The following VPS50 variants were observed in gnomAD, a reference collection of about 807,000 sequenced individuals.
The protein encoded by VPS50 is syndetin.
A neutral mutation model predicts 139.7 loss-of-function variants in VPS50; 70 were observed. The observed-to-expected ratio is 0.50, with a 90% CI of 0.41 to 0.61. The LOEUF (loss-of-function observed/expected upper bound fraction) is 0.61, where lower values mean the gene tolerates loss of function less well. VPS50 is among the 20% of genes least tolerant of loss of function. The pLI, the probability that VPS50 is intolerant of heterozygous loss-of-function variation, is 0.00. For missense variants in VPS50, 921 were observed against 1,133.7 expected, an observed-to-expected ratio of 0.81 and a Z score of 2.69; for synonymous variants, 365 against 376.7, an observed-to-expected ratio of 0.97 and a Z score of 0.36.
At chr7:93,315,816 C>T (rs1318797513) in intron 20 of VPS50, among the ~76,000 whole-genome samples, 1 of 150,890 alleles carries the variant, frequency 6.6e-6, no homozygotes, top group Non-Finnish European at 1.5e-5. Flanking sequence ...ATATTGCATT[C>T]ATTAGTTTTA....
chr7:93,238,662 T>G (rs147139731), intron 1 of VPS50, among the ~76,000 whole-genome samples: 34 of 152,240 alleles, frequency 2.2e-4, no homozygotes, highest in African/African-American at 7.2e-4. Context: ...TTCATTAGGT[T>G]TATTTTAGGG....
intron 2 of VPS50, among the ~76,000 whole-genome samples, chr7:93,244,888 T>C (rs984166166): frequency 1.3e-5 from 2 of 151,908 alleles, no homozygotes; most frequent in East Asian, 1.9e-4. Flanking sequence ...TAACCATTAA[T>C]GAAATTATGC....
In VPS50 at chr7:93,259,524, A is replaced by G. The variant is rs771752342; in HGVS notation, c.577-26A>G. On this transcript the variant is annotated intron_variant, in intron 8 of 27. Coordinates refer to ENST00000305866, the MANE Select transcript of VPS50 (RefSeq NM_017667.4). ...TTTAAGAAAAAATGTTTCTATTCCA[A>G]TGACTCCTGTTGTTGTTACCTTAAG... The G allele has an allele frequency of 2.6e-5, 32 of 1,215,188 alleles. 1 individual carries two copies. In the Middle Eastern group the frequency reaches 1.3e-3, roughly 51 times the overall value. 75.3% of individuals were successfully genotyped at this position (1,215,188 alleles called of 1,614,324 possible). A position where few individuals can be genotyped will look rare whatever the true frequency, so the allele number is the denominator to read the frequency against.
At chr7:93,278,590 C>CAAAAA (rs11445569) in intron 12 of VPS50, among the ~76,000 whole-genome samples, 2 of 67,974 alleles carry the variant, frequency 2.9e-5, no homozygotes, top group African/African-American at 5.1e-5. Context: ...GACTCTGTCT[C>CAAAAA]AAAAAAAAAA....
At chr7:93,317,432 C>A (rs1406737688) in intron 20 of VPS50, among the ~76,000 whole-genome samples, 1 of 152,144 alleles carries the variant, frequency 6.6e-6, no homozygotes, top group Non-Finnish European at 1.5e-5. Flanking sequence ...CTCCTGTAAT[C>A]CCAGCTACTT....
At chr7:93,273,925 A>G (rs1182918169) in intron 11 of VPS50, among the ~76,000 whole-genome samples, 2 of 152,022 alleles carry the variant, frequency 1.3e-5, no homozygotes, top group Non-Finnish European at 1.5e-5. Context: ...TCATTATTAT[A>G]TCTGGGATGG....
In VPS50 at chr7:93,358,468, A is replaced by T. The variant is rs1438180983; in HGVS notation, c.*32A>T. 1 of 1,598,268 alleles carries T rather than the reference A, an allele frequency of 6.3e-7. No individual in the cohort carries two copies. Among genetic ancestry groups the T allele is most frequent in the East Asian group, 2.2e-5 (1 of 44,708 alleles). On this transcript the variant is annotated 3_prime_UTR_variant, in exon 28 of 28. Transcript: ENST00000305866. Reference sequence around the variant, plus strand: ...CAGCTCTCTTTCCTCAATGGCATTGATCCTCACTCAACATATATGACCTGA... The same window carrying T: ...CAGCTCTCTTTCCTCAATGGCATTGTTCCTCACTCAACATATATGACCTGA...
intron 20 of VPS50, among the ~76,000 whole-genome samples, chr7:93,315,463 T>G (rs148817881): frequency 6.6e-6 from 1 of 152,216 alleles, no homozygotes; most frequent in Non-Finnish European, 1.5e-5. Flanking sequence ...CCAGTTTTGA[T>G]GGACATTCTC....
chr7:93,251,390 C>G lies in VPS50; in HGVS notation c.103-1263C>G, dbSNP rs1028926296. Among the ~76,000 whole-genome samples, 7 of 152,118 alleles carry G rather than the reference C, an allele frequency of 4.6e-5. No individual in the cohort carries two copies. In the East Asian group the frequency reaches 7.7e-4, roughly 17 times the overall value. On this transcript the variant is annotated intron_variant, in intron 2 of 27. Coordinates refer to ENST00000305866, the MANE Select transcript of VPS50 (RefSeq NM_017667.4). Reference sequence around the variant, plus strand: ...GTCCTTTGCAAGTACATGGATGAAGCTGGAAAGCGTCATTCACAGCAAACT... The same window carrying G: ...GTCCTTTGCAAGTACATGGATGAAGGTGGAAAGCGTCATTCACAGCAAACT...
chr7:93,242,020 G>A (rs992885921), intron 2 of VPS50, among the ~76,000 whole-genome samples: 1 of 151,692 alleles, frequency 6.6e-6, no homozygotes, highest in African/African-American at 2.4e-5. Flanking sequence ...AATAACTTTT[G>A]CTTTAAATAT....
intron 9 of VPS50, among the ~76,000 whole-genome samples, chr7:93,267,369 TTC>T (rs1449858226): frequency 2.6e-5 from 4 of 152,216 alleles, no homozygotes; most frequent in African/African-American, 9.6e-5. Flanking sequence ...AGTGTGGTTC[TTC>T]TAAAACATTC....
intron 13 of VPS50, among the ~76,000 whole-genome samples, chr7:93,292,943 CT>C (rs1232958703): frequency 1.3e-5 from 2 of 152,142 alleles, no homozygotes; most frequent in African/African-American, 4.8e-5. Context: ...TGTACTACCC[CT>C]GGGACCATGA....
Position 93,361,054 on chromosome 7 carries a change from A to G in VPS50, c.*2618A>G, listed in dbSNP as rs1798817769. 6.6e-6 allele frequency: 1 copy of G among 151,926 alleles called. No homozygotes were observed. Among genetic ancestry groups the G allele is most frequent in the Non-Finnish European group, 1.5e-5 (1 of 67,924 alleles). 9.4% of individuals were successfully genotyped at this position (151,926 alleles called of 1,614,324 possible). On this transcript the variant is annotated 3_prime_UTR_variant, in exon 28 of 28. Coordinates refer to ENST00000305866, the MANE Select transcript of VPS50 (RefSeq NM_017667.4). ...GCTTTTTCTTAACTCACCAAAAAGTAGTAAAAGGCTTGTAATTCAATTCAC... is the reference window on the plus strand; with the variant it reads ...GCTTTTTCTTAACTCACCAAAAAGTGGTAAAAGGCTTGTAATTCAATTCAC...
chr7:93,289,488 G>T (rs1195166000), intron 12 of VPS50, among the ~76,000 whole-genome samples: 2 of 151,708 alleles, frequency 1.3e-5, no homozygotes, highest in African/African-American at 2.4e-5. Flanking sequence ...CCTCACATAT[G>T]GTGTTTTTTG....
chr7:93,258,809 C>T (rs142265896), intron 8 of VPS50, among the ~76,000 whole-genome samples: 1 of 152,026 alleles, frequency 6.6e-6, no homozygotes, highest in Non-Finnish European at 1.5e-5. Context: ...CATTTTCTGT[C>T]TACTTCTGTC....
intron 1 of VPS50, 46 bp downstream of exon 1, chr7:93,232,546 G>A: frequency 6.6e-7 from 1 of 1,515,252 alleles, no homozygotes; most frequent in Non-Finnish European, 9.2e-7. Flanking sequence ...TCTCGGAAGT[G>A]AGAGGAGCCG....
At chr7:93,356,676 C>T (rs193210662) in intron 27 of VPS50, among the ~76,000 whole-genome samples, 6 of 152,062 alleles carry the variant, frequency 3.9e-5, no homozygotes, top group East Asian at 3.9e-4. Context: ...CGTAGGATGC[C>T]GAATTTTTGA....
chr7:93,235,483 GT>G (rs2116758993), intron 1 of VPS50, among the ~76,000 whole-genome samples: 1 of 152,294 alleles, frequency 6.6e-6, no homozygotes, highest in African/African-American at 2.4e-5. Flanking sequence ...TGAGGCTACT[GT>G]GGTAATCCAG....
chr7:93,268,486 C>T lies in VPS50; in HGVS notation c.660-2734C>T, dbSNP rs79425791. ...TTTTCCTGATGCTCTTCTTCCCACC[C>T]ATCCCCTGATAGGCCCCACTGTGTT... On this transcript the variant is annotated intron_variant, in intron 9 of 27. Transcript: ENST00000305866. Among the ~76,000 whole-genome samples the T allele has an allele frequency of 9.2e-5, 14 of 152,206 alleles. No homozygotes were observed. The East Asian group carries it at 2.7e-3, about 29-fold the overall frequency.
Sources: allele counts gnomAD v4.1 joint callset (sites outside exome capture counted in the v4.1 genomes callset), GRCh38; gene constraint gnomAD v4.1.1; transcripts MANE v1.5; gene names NCBI Gene and HGNC (gene_info 2026-07-23, HGNC 2026-07-21).